Variants in VDAC1 observed in about 807,000 individuals in gnomAD.
VDAC1 encodes the protein non-selective voltage-gated ion channel VDAC1.
A neutral mutation model predicts 34.7 loss-of-function variants in VDAC1; 10 were observed. The ratio of observed to expected loss-of-function variants is 0.29; its 90% confidence interval spans 0.18 to 0.49. The LOEUF (loss-of-function observed/expected upper bound fraction) is 0.49, where lower values mean the gene tolerates loss of function less well. Ranked by LOEUF, VDAC1 falls within the 20% of genes least tolerant of loss-of-function variation. The probability of loss-of-function intolerance (pLI) is 0.99; values close to 1 mark genes in which losing one functional copy is unlikely to be tolerated. For synonymous variants in VDAC1, 130 were observed against 136.0 expected, an observed-to-expected ratio of 0.96 and a Z score of 0.30; for missense variants, 230 against 347.9, an observed-to-expected ratio of 0.66 and a Z score of 2.69.
At chr5:134,111,752 A>G in the VDAC1 span, among the ~76,000 whole-genome samples, 118,806 of 152,110 alleles carry the variant, frequency 0.78, 47,079 homozygotes, top group Non-Finnish European at 0.86. Flanking sequence ...CCACAAGGCA[A>G]ATAAGGACTC....
At chr5:133,979,829 C>A (rs564176152) in intron 6 of VDAC1, among the ~76,000 whole-genome samples, 1 of 152,124 alleles carries the variant, frequency 6.6e-6, no homozygotes, top group Non-Finnish European at 1.5e-5. Context: ...GTTCCCTCCC[C>A]GAAACTCCCT....
chr5:134,104,388 G>A, the VDAC1 span, among the ~76,000 whole-genome samples: 1 of 152,220 alleles, frequency 6.6e-6, no homozygotes, highest in Non-Finnish European at 1.5e-5. Context: ...CCGGAGGGAG[G>A]GAGAGTGGCT....
chr5:134,112,601 G>T, the VDAC1 span, among the ~76,000 whole-genome samples: 5 of 152,160 alleles, frequency 3.3e-5, no homozygotes, highest in African/African-American at 1.2e-4. Context: ...AAACTTGAGG[G>T]TGGGGGAGTT....
chr5:133,972,803 T>G lies in VDAC1; in HGVS notation c.820A>C (p.Lys274Gln). ...DGKNVNAGGH[K>Q]LGLGLEFQA ...TGAAATTCCAGTCCTAGACCAAGCT[T>G]GTGGCCACCAGCATTGACGTTCTTG... is the stretch of plus-strand genomic sequence containing the variant. Residue 274 changes from lysine to glutamine, a missense_variant, in exon 9 of 9, where the codon AAG (lysine) becomes CAG (glutamine). Lys to Gln is a moderately conservative substitution (Grantham distance 53). Transcript: ENST00000265333. 1 of 1,613,480 alleles carries G rather than the reference T, an allele frequency of 6.2e-7. No homozygotes were observed. Among genetic ancestry groups the G allele is most frequent in the Non-Finnish European group, 8.5e-7 (1 of 1,179,408 alleles).
chr5:134,015,029 A>T, the VDAC1 span, among the ~76,000 whole-genome samples: 1 of 152,356 alleles, frequency 6.6e-6, no homozygotes, highest in East Asian at 1.9e-4. Context: ...CTACACAGTC[A>T]TAAAAAATAA....
At chr5:134,059,486 C>A in the VDAC1 span, among the ~76,000 whole-genome samples, 2 of 152,150 alleles carry the variant, frequency 1.3e-5, no homozygotes, top group Non-Finnish European at 2.9e-5. Flanking sequence ...CCCTCTAAGA[C>A]ATCCCCACAC....
chr5:134,052,747 T>C, the VDAC1 span, among the ~76,000 whole-genome samples: 1 of 152,184 alleles, frequency 6.6e-6, no homozygotes, highest in South Asian at 2.1e-4. Context: ...CTAGGTGCTC[T>C]ACACACATGC....
intron 1 of VDAC1, among the ~76,000 whole-genome samples, chr5:133,994,905 T>C (rs748983190): frequency 6.6e-6 from 1 of 152,190 alleles, no homozygotes; most frequent in Non-Finnish European, 1.5e-5. Context: ...AAGACCTCCC[T>C]GGACCTTAGG....
chr5:133,972,849 T>C lies in VDAC1; in HGVS notation c.774A>G (p.Thr258=). 1.9e-6 allele frequency: 3 copies of C among 1,613,710 alleles called. No homozygotes were observed. The highest frequency in any genetic ancestry group is 2.5e-6 in the Non-Finnish European group (3 of 1,179,736). ...TQTLKPGIKL[T]LSALLDGKNV... is the part of the protein sequence containing the mutation. ...TCTTGCCATCCAGAAGAGCTGACAG[T>C]GTCAGTTTAATACCTGCAGGGAGAA... Residue 258 remains threonine, a synonymous_variant, in exon 9 of 9, where the codon ACA becomes ACG. Transcript: ENST00000265333.
In VDAC1 at chr5:133,991,165, G is replaced by T; in HGVS notation, c.118-11C>A. The stretch of plus-strand genomic sequence containing the variant: ...TGAGCTTGTAAATTCCTTCAAAGGA[G>T]AGAGAAGAGTCACAGCCTGCACCAT... On this transcript the variant is annotated splice_polypyrimidine_tract_variant and intron_variant, in intron 3 of 8. Coordinates refer to ENST00000265333, the MANE Select transcript of VDAC1 (RefSeq NM_003374.3). 6 of 1,607,762 alleles carry T rather than the reference G, an allele frequency of 3.7e-6. No homozygotes were observed. The highest frequency in any genetic ancestry group is 5.1e-6 in the Non-Finnish European group (6 of 1,179,982).
At chr5:134,043,764 C>A in the VDAC1 span, among the ~76,000 whole-genome samples, 18 of 152,274 alleles carry the variant, frequency 1.2e-4, no homozygotes, top group East Asian at 3.5e-3. Flanking sequence ...AACTCCTGGG[C>A]TCAAGCGATC....
At chr5:134,028,364 C>T in the VDAC1 span, among the ~76,000 whole-genome samples, 1 of 152,028 alleles carries the variant, frequency 6.6e-6, no homozygotes, top group Admixed American at 6.6e-5. Context: ...AACTCCTGAC[C>T]TCAGGTGATT....
At chr5:134,084,956 T>A in the VDAC1 span, among the ~76,000 whole-genome samples, 5 of 152,202 alleles carry the variant, frequency 3.3e-5, no homozygotes, top group Non-Finnish European at 7.3e-5. Flanking sequence ...ACCCACGGTT[T>A]GACTAATGTA....
chr5:134,103,726 A>G, the VDAC1 span, among the ~76,000 whole-genome samples: 5 of 152,232 alleles, frequency 3.3e-5, no homozygotes, highest in Non-Finnish European at 7.3e-5. Context: ...ATCCTCAAAC[A>G]TAAAACGAAA....
At chr5:133,987,088 G>A (rs1752934616) in intron 5 of VDAC1, among the ~76,000 whole-genome samples, 1 of 152,248 alleles carries the variant, frequency 6.6e-6, no homozygotes, top group Non-Finnish European at 1.5e-5. Context: ...GCCAGGTGTG[G>A]TGGCTCACAC....
At chr5:134,106,462 T>A in the VDAC1 span, among the ~76,000 whole-genome samples, 1 of 149,496 alleles carries the variant, frequency 6.7e-6, no homozygotes, top group Admixed American at 6.7e-5. Context: ...GGCTGGAGTG[T>A]AGTGGCATGA....
At chr5:133,986,633 G>A (rs972218069) in intron 5 of VDAC1, among the ~76,000 whole-genome samples, 1 of 152,068 alleles carries the variant, frequency 6.6e-6, no homozygotes, top group Admixed American at 6.6e-5. Flanking sequence ...TGATCCACCT[G>A]CCTCAGCATT....
chr5:134,044,258 GC>G, the VDAC1 span, among the ~76,000 whole-genome samples: 1 of 152,170 alleles, frequency 6.6e-6, no homozygotes, highest in African/African-American at 2.4e-5. Context: ...CTTGCTGGGG[GC>G]CAACTCAGAC....
chr5:134,020,627 T>C, the VDAC1 span, among the ~76,000 whole-genome samples: 1 of 151,982 alleles, frequency 6.6e-6, no homozygotes, highest in African/African-American at 2.4e-5. Context: ...GCTGCATTTT[T>C]CAGGGATTAT....
Sources: gnomAD v4.1 joint callset for allele counts (sites outside exome capture counted in the v4.1 genomes callset) on GRCh38, gnomAD v4.1.1 for gene constraint, MANE v1.5 for transcripts, NCBI Gene and HGNC (gene_info 2026-07-23, HGNC 2026-07-21) for gene names.